The following ADAMTS9 variants were observed in gnomAD, a reference collection of about 807,000 sequenced individuals.
ADAMTS9 encodes the protein ADAM metallopeptidase with thrombospondin type 1 motif 9.
A neutral mutation model predicts 257.1 loss-of-function variants in ADAMTS9; 107 were observed. The ratio of observed to expected loss-of-function variants is 0.42; its 90% CI spans 0.36 to 0.49. ADAMTS9 has a LOEUF of 0.49. Among genes scored for constraint, ADAMTS9 ranks in the 20% least tolerant of loss-of-function variants. The pLI is 0.03. For missense variants in ADAMTS9, 2,353 were observed against 2,469.1 expected, an observed-to-expected ratio of 0.95 and a Z score of 1.00; for synonymous variants, 982 against 880.9, an observed-to-expected ratio of 1.11 and a Z score of -2.03.
intron 22 of ADAMTS9, among the ~76,000 whole-genome samples, chr3:64,610,395 A>ACT (rs1253251875): frequency 6.6e-6 from 1 of 152,186 alleles, no homozygotes; most frequent in Admixed American, 6.5e-5. Context: ...CTCAAGAACA[A>ACT]CGAGAAAAAC....
chr3:64,638,815 C>T (rs991880911), intron 12 of ADAMTS9, among the ~76,000 whole-genome samples: 2 of 151,910 alleles, frequency 1.3e-5, no homozygotes, highest in African/African-American at 2.4e-5. Context: ...TAAGAATATA[C>T]TATAAAGTCT....
At chr3:64,645,285 T>C (rs1462903617) in intron 11 of ADAMTS9, among the ~76,000 whole-genome samples, 2 of 152,204 alleles carry the variant, frequency 1.3e-5, no homozygotes, top group Non-Finnish European at 2.9e-5. Context: ...GTTGATTTTG[T>C]CCAAATGAAA....
intron 14 of ADAMTS9, among the ~76,000 whole-genome samples, chr3:64,632,467 C>T (rs540987764): frequency 1.3e-5 from 2 of 152,126 alleles, no homozygotes; most frequent in Non-Finnish European, 1.5e-5. Flanking sequence ...AAATCCCATA[C>T]GTTTAAATAT....
chr3:64,541,765 G>C lies in ADAMTS9; in HGVS notation c.5197+73C>G, dbSNP rs992675197. 2.5e-6 allele frequency: 4 copies of C among 1,590,936 alleles called. No homozygotes were observed. In the African/African-American group the frequency reaches 5.4e-5, roughly 21 times the overall value. ...GAAAAAATTCTATATTTCTAAAAAG[G>C]GCAGGCAATCAAATGAACAAAGACA... is the stretch of plus-strand genomic sequence containing the variant. On this transcript the variant is annotated intron_variant, in intron 33 of 39. Coordinates refer to ENST00000498707, the MANE Select transcript of ADAMTS9 (RefSeq NM_182920.2).
intron 9 of ADAMTS9, 189 bp downstream of exon 9, chr3:64,650,828 A>T: frequency 1.8e-6 from 1 of 562,868 alleles, no homozygotes. Context: ...TAATCTTCTA[A>T]ACTCTGTCAA....
rs72890872 is a variant in ADAMTS9 at position 64,649,261 on chromosome 3, A to G, written c.1605+376T>C. The stretch of plus-strand genomic sequence containing the variant: ...CTCTTCTGAATCTAGAAGAGTCCCT[A>G]TAATTTAGGTCACCTGGACAAGTCG... On this transcript the variant is annotated intron_variant, in intron 10 of 39. Transcript: ENST00000498707. Among the ~76,000 whole-genome samples the G allele has an allele frequency of 6.4e-3, 980 of 152,266 alleles. 9 individuals are homozygous for G. Among genetic ancestry groups the G allele is most frequent in the African/African-American group, 0.022 (916 of 41,550 alleles).
At chr3:64,549,842 C>A (rs556567648) in intron 31 of ADAMTS9, among the ~76,000 whole-genome samples, 1 of 152,120 alleles carries the variant, frequency 6.6e-6, no homozygotes, top group African/African-American at 2.4e-5. Flanking sequence ...AAGGATAGGG[C>A]GAGATAATTA....
chr3:64,654,231 A>G, intron 8 of ADAMTS9, 122 bp downstream of exon 8: 2 of 996,254 alleles, frequency 2.0e-6, no homozygotes, highest in Non-Finnish European at 3.0e-6. Context: ...TCAACCCTGC[A>G]ACTCTACTAT....
At chr3:64,649,084 T>C (rs571531740) in intron 10 of ADAMTS9, among the ~76,000 whole-genome samples, 3 of 152,248 alleles carry the variant, frequency 2.0e-5, no homozygotes, top group Admixed American at 2.0e-4. Context: ...CTAGATGTTA[T>C]CACTGGCCCA....
At chr3:64,567,776 C>T (rs17726893) in intron 29 of ADAMTS9, among the ~76,000 whole-genome samples, 26,921 of 151,496 alleles carry the variant, frequency 0.18, 2,950 homozygotes, top group Middle Eastern at 0.25. Flanking sequence ...ATTGAAGACC[C>T]CTGCAAAGCG....
At chr3:64,613,610 A>G in intron 21 of ADAMTS9, 101 bp from the exon 22 acceptor site, 1 of 1,133,440 alleles carries the variant, frequency 8.8e-7, no homozygotes, top group East Asian at 2.7e-5. Context: ...TCCTTTTCCC[A>G]CAGCAATCAC....
At chr3:64,647,679 G>A (rs982380612) in intron 11 of ADAMTS9, among the ~76,000 whole-genome samples, 3 of 152,202 alleles carry the variant, frequency 2.0e-5, no homozygotes, top group African/African-American at 2.4e-5. Flanking sequence ...ATGTTTAAAT[G>A]AGAGAAAGTC....
chr3:64,615,048 G>C (rs1301026797), intron 21 of ADAMTS9: 2 of 325,344 alleles, frequency 6.1e-6, no homozygotes, highest in Non-Finnish European at 1.1e-5. Flanking sequence ...GAGGAGGGAA[G>C]GTGATGGACT....
intron 38 of ADAMTS9, among the ~76,000 whole-genome samples, chr3:64,526,750 G>A (rs1051770298): frequency 1.3e-5 from 2 of 152,148 alleles, no homozygotes; most frequent in African/African-American, 4.8e-5. Flanking sequence ...TGGTACATCT[G>A]TAAAATAGGG....
At chr3:64,656,512 A>T (rs1194023294) in intron 4 of ADAMTS9, among the ~76,000 whole-genome samples, 1 of 152,186 alleles carries the variant, frequency 6.6e-6, no homozygotes, top group Non-Finnish European at 1.5e-5. Flanking sequence ...CAAATGAGGA[A>T]ACTAAGTCAC....
chr3:64,584,444 G>A (rs1223814482), intron 28 of ADAMTS9, among the ~76,000 whole-genome samples: 1 of 151,994 alleles, frequency 6.6e-6, no homozygotes, highest in Non-Finnish European at 1.5e-5. Flanking sequence ...GAAAGATTCT[G>A]TTTCTGCTGA....
At chr3:64,644,747 A>G (rs1473383112) in intron 11 of ADAMTS9, among the ~76,000 whole-genome samples, 6 of 152,170 alleles carry the variant, frequency 3.9e-5, no homozygotes, top group Admixed American at 3.3e-4. Context: ...TTCAGACTTC[A>G]GTTTCTGGAT....
intron 19 of ADAMTS9, among the ~76,000 whole-genome samples, chr3:64,619,317 G>A (rs781095834): frequency 6.6e-6 from 1 of 152,036 alleles, no homozygotes; most frequent in Non-Finnish European, 1.5e-5. Flanking sequence ...AAAACTCATG[G>A]GAATTATTTC....
intron 29 of ADAMTS9, among the ~76,000 whole-genome samples, chr3:64,563,517 T>G (rs984534784): frequency 6.6e-6 from 1 of 152,202 alleles, no homozygotes; most frequent in Admixed American, 6.5e-5. Flanking sequence ...TTTTAGAATG[T>G]ATAAGACTAT....
Sources: gnomAD v4.1 joint callset for allele counts (sites outside exome capture counted in the v4.1 genomes callset) on GRCh38, gnomAD v4.1.1 for gene constraint, MANE v1.5 for transcripts, NCBI Gene and HGNC (gene_info 2026-07-23, HGNC 2026-07-21) for gene names.